Variants in GDPD4 observed in about 807,000 individuals in gnomAD.
GDPD4 encodes glycerophosphodiester phosphodiesterase domain containing 4.
Under a neutral mutation model 67.8 loss-of-function variants are expected in GDPD4, and 60 were observed. The observed-to-expected ratio is 0.88, with a 90% CI of 0.72 to 1.10. The LOEUF is 1.10. Ranked by LOEUF, GDPD4 falls within the 50% of genes least tolerant of loss-of-function variation. The probability of loss-of-function intolerance (pLI) is 0.00; values close to 1 mark genes in which losing one functional copy is unlikely to be tolerated. For synonymous variants in GDPD4, 212 were observed against 210.9 expected, an observed-to-expected ratio of 1.00 and a Z score of -0.04; for missense variants, 623 against 613.9, an observed-to-expected ratio of 1.01 and a Z score of -0.16.
chr11:77,218,724 C>CT (rs1235465576), intron 16 of GDPD4, among the ~76,000 whole-genome samples: 1 of 152,164 alleles, frequency 6.6e-6, no homozygotes, highest in Non-Finnish European at 1.5e-5. Context: ...TGAACTCATC[C>CT]TTTTTTGTGG....
Position 77,269,875 on chromosome 11 carries a change from G to A in GDPD4, c.478+8C>T. The A allele has an allele frequency of 6.6e-7, 1 of 1,512,960 alleles. No individual in the cohort carries two copies. The highest frequency in any genetic ancestry group is 2.3e-5 in the East Asian group (1 of 44,352). 93.7% of individuals were successfully genotyped at this position (1,512,960 alleles called of 1,614,324 possible). A position where few individuals can be genotyped will look rare whatever the true frequency, so the allele number is the denominator to read the frequency against. ...AGTGACTTTCAAATCTCAGTCTCCA[G>A]CTCTAACCTCTTAACCTTGTGATTA... On this transcript the variant is annotated splice_region_variant and intron_variant, in intron 8 of 16. Coordinates refer to ENST00000315938, the MANE Select transcript of GDPD4 (RefSeq NM_182833.3).
At position 77,264,816 on chromosome 11, in the gene GDPD4, C is replaced by T. The variant is rs1213334130; in HGVS notation, c.707+3641G>A. 2.0e-5 allele frequency among the ~76,000 whole-genome samples: 3 copies of T among 152,184 alleles called. No individual in the cohort carries two copies. The East Asian group carries it at 5.8e-4, about 29-fold the overall frequency. ...GGCAGGAGACCAGAATATGCCACCC[C>T]AATATATACCTCTTTGGCATATTGA... On this transcript the variant is annotated intron_variant, in intron 10 of 16. Transcript: ENST00000315938.
chr11:77,219,183 G>T (rs532177258), intron 16 of GDPD4, among the ~76,000 whole-genome samples: 4 of 152,262 alleles, frequency 2.6e-5, no homozygotes, highest in South Asian at 2.1e-4. Flanking sequence ...GCTGCATAAA[G>T]GTCTTCTTTT....
intron 10 of GDPD4, among the ~76,000 whole-genome samples, chr11:77,267,437 T>C (rs1450605472): frequency 6.6e-6 from 1 of 152,232 alleles, no homozygotes; most frequent in African/African-American, 2.4e-5. Flanking sequence ...ACCAGGAACA[T>C]ATGAGTGACT....
chr11:77,238,242 T>A (rs1344798847), intron 13 of GDPD4, among the ~76,000 whole-genome samples: 1 of 152,164 alleles, frequency 6.6e-6, no homozygotes, highest in East Asian at 1.9e-4. Context: ...AGGTGGCAAT[T>A]GCACAACGAT....
intron 10 of GDPD4, among the ~76,000 whole-genome samples, chr11:77,264,175 C>G (rs1959166720): frequency 6.6e-6 from 1 of 152,128 alleles, no homozygotes; most frequent in Non-Finnish European, 1.5e-5. Context: ...TCAGAATCTC[C>G]CATAGGCTTT....
chr11:77,216,601 A>G lies in GDPD4; in HGVS notation c.*676T>C. The G allele has an allele frequency of 3.0e-6, 1 of 328,854 alleles. No homozygotes were observed. The allele number at this position is 328,854 out of a possible 1,614,324, so 20.4% of individuals were successfully genotyped here. On this transcript the variant is annotated 3_prime_UTR_variant, in exon 17 of 17. Coordinates refer to ENST00000315938, the MANE Select transcript of GDPD4 (RefSeq NM_182833.3). ...TACTTATATGCACAGTCACTCCTTT[A>G]GCAGAAAATATTATGGAGGTGTTAG...
At chr11:77,262,349 A>G (rs1959135495) in intron 10 of GDPD4, among the ~76,000 whole-genome samples, 1 of 152,154 alleles carries the variant, frequency 6.6e-6, no homozygotes, top group South Asian at 2.1e-4. Flanking sequence ...CTTAATGATC[A>G]CACTTCAGGA....
At chr11:77,267,569 G>A (rs1959183967) in intron 10 of GDPD4, among the ~76,000 whole-genome samples, 1 of 152,102 alleles carries the variant, frequency 6.6e-6, no homozygotes, top group African/African-American at 2.4e-5. Flanking sequence ...ATCTTCTCAT[G>A]TACTTATTTG....
chr11:77,225,510 C>T, intron 16 of GDPD4, among the ~76,000 whole-genome samples: 1 of 152,146 alleles, frequency 6.6e-6, no homozygotes, highest in East Asian at 1.9e-4. Context: ...CTCTCCCTCT[C>T]ACATGCACGC....
chr11:77,291,149 A>G (rs1937758900), intron 1 of GDPD4, among the ~76,000 whole-genome samples: 1 of 152,232 alleles, frequency 6.6e-6, no homozygotes, highest in Non-Finnish European at 1.5e-5. Context: ...ATGGATAAAG[A>G]AAATGAGCTT....
rs142330267 is a variant in GDPD4 at position 77,281,963 on chromosome 11, T to C, written c.54-2564A>G. Among the ~76,000 whole-genome samples the C allele has an allele frequency of 3.7e-3, 558 of 152,094 alleles. 3 individuals carry two copies. Among genetic ancestry groups the C allele is most frequent in the African/African-American group, 0.011 (474 of 41,474 alleles). ...TAGATGAAAGATCAGAGGTGCATGATAAAATGAAGAGCAATAAAAAAAAGT... is the reference window on the plus strand; with the variant it reads ...TAGATGAAAGATCAGAGGTGCATGACAAAATGAAGAGCAATAAAAAAAAGT... On this transcript the variant is annotated intron_variant, in intron 3 of 16. Coordinates refer to ENST00000315938, the MANE Select transcript of GDPD4 (RefSeq NM_182833.3).
At chr11:77,240,261 A>G (rs1958637398) in intron 13 of GDPD4, among the ~76,000 whole-genome samples, 1 of 152,222 alleles carries the variant, frequency 6.6e-6, no homozygotes, top group African/African-American at 2.4e-5. Context: ...TGTGATAATC[A>G]AAACAGCATG....
chr11:77,257,105 CACTACTACCGTATAAGTG>C (rs879897071), intron 11 of GDPD4, among the ~76,000 whole-genome samples: 1 of 152,168 alleles, frequency 6.6e-6, no homozygotes, highest in Non-Finnish European at 1.5e-5. Flanking sequence ...TTCCTAATTA[CACTACTACCGTATAAGTG>C]AGCTATTACC....
At chr11:77,240,790 A>C (rs747149490) in intron 13 of GDPD4, among the ~76,000 whole-genome samples, 9 of 152,236 alleles carry the variant, frequency 5.9e-5, no homozygotes, top group Non-Finnish European at 1.3e-4. Context: ...TCTCAAAAGA[A>C]GACACAAATA....
chr11:77,285,841 G>C (rs1023673001), intron 2 of GDPD4, among the ~76,000 whole-genome samples: 3 of 152,158 alleles, frequency 2.0e-5, no homozygotes, highest in Admixed American at 6.5e-5. Flanking sequence ...ACCCAGATCT[G>C]TGTAAGCTCA....
chr11:77,224,623 C>G (rs908824851), intron 16 of GDPD4, among the ~76,000 whole-genome samples: 1 of 152,244 alleles, frequency 6.6e-6, no homozygotes, highest in East Asian at 1.9e-4. Context: ...CTATGAGGAA[C>G]TTTTAATTCT....
intron 10 of GDPD4, among the ~76,000 whole-genome samples, chr11:77,265,861 C>T (rs1959175756): frequency 6.6e-6 from 1 of 152,158 alleles, no homozygotes; most frequent in Admixed American, 6.5e-5. Flanking sequence ...TTTTCTCCAT[C>T]CCTTTAATTT....
chr11:77,246,779 G>A (rs1286354016), intron 11 of GDPD4, among the ~76,000 whole-genome samples: 1 of 152,116 alleles, frequency 6.6e-6, no homozygotes, highest in African/African-American at 2.4e-5. Context: ...CTCCCTCTTG[G>A]TGGGAACTGT....
Sources: gnomAD v4.1 joint callset for allele counts (sites outside exome capture counted in the v4.1 genomes callset) on GRCh38, gnomAD v4.1.1 for gene constraint, MANE v1.5 for transcripts, NCBI Gene and HGNC (gene_info 2026-07-23, HGNC 2026-07-21) for gene names.